Variants in KIFC3 observed in about 807,000 individuals in gnomAD.
KIFC3 encodes the protein kinesin-like protein KIFC3.
A neutral mutation model predicts 101.8 loss-of-function variants in KIFC3; 60 were observed. The observed-to-expected ratio is 0.59, with a 90% CI of 0.48 to 0.73. KIFC3 has a LOEUF of 0.73. Among genes scored for constraint, KIFC3 ranks in the 30% least tolerant of loss-of-function variants. The pLI, the probability that KIFC3 is intolerant of heterozygous loss-of-function variation, is 0.00. For synonymous variants in KIFC3, 476 were observed against 482.7 expected, an observed-to-expected ratio of 0.99 and a Z score of 0.18; for missense variants, 966 against 1,137.1, an observed-to-expected ratio of 0.85 and a Z score of 2.16.
At chr16:57,844,513 C>T (rs1596859424) in intron 1 of KIFC3, among the ~76,000 whole-genome samples, 1 of 151,542 alleles carries the variant, frequency 6.6e-6, no homozygotes, top group Non-Finnish European at 1.5e-5. Flanking sequence ...GCCATAGCCT[C>T]GTGTCTCTGA....
chr16:57,792,703 T>C (rs2053971319), intron 3 of KIFC3, among the ~76,000 whole-genome samples: 2 of 151,746 alleles, frequency 1.3e-5, no homozygotes, highest in Admixed American at 1.3e-4. Context: ...GGCAACATGA[T>C]GAAACCTCCG....
chr16:57,809,015 G>T (rs1350668850), intron 1 of KIFC3, among the ~76,000 whole-genome samples: 1 of 152,158 alleles, frequency 6.6e-6, no homozygotes, highest in Non-Finnish European at 1.5e-5. Flanking sequence ...GTAAGTGCTG[G>T]GTGTGGTGGC....
chr16:57,792,211 C>A (rs2053935242), intron 3 of KIFC3, among the ~76,000 whole-genome samples: 1 of 152,158 alleles, frequency 6.6e-6, no homozygotes, highest in Non-Finnish European at 1.5e-5. Context: ...CGTGCACCGG[C>A]TTTCTTGGGG....
chr16:57,828,315 C>G (rs571219833), intron 1 of KIFC3, among the ~76,000 whole-genome samples: 1 of 152,358 alleles, frequency 6.6e-6, no homozygotes, highest in African/African-American at 2.4e-5. Context: ...AGGCCACCTG[C>G]CCGGTAAGGC....
At chr16:57,815,587 G>A in intron 1 of KIFC3, 1 of 1,289,950 alleles carries the variant, frequency 7.8e-7, no homozygotes. Context: ...CACCAGGGAG[G>A]CTGGGGGTGC....
At chr16:57,767,866 G>C (rs1287878122) in intron 9 of KIFC3, among the ~76,000 whole-genome samples, 1 of 152,002 alleles carries the variant, frequency 6.6e-6, no homozygotes, top group Non-Finnish European at 1.5e-5. Context: ...TGTAGAGATG[G>C]GGTCCCACTA....
intron 3 of KIFC3, chr16:57,773,999 G>C (rs782452622): frequency 6.6e-6 from 1 of 152,318 alleles, no homozygotes; most frequent in African/African-American, 2.4e-5. Context: ...ATTCCAAGAT[G>C]CAAGACCCAG....
In KIFC3 at chr16:57,774,806, T is replaced by C. The variant is rs1206551397; in HGVS notation, c.316-2518A>G. On this transcript the variant is annotated intron_variant, in intron 3 of 19. Transcript: ENST00000445690. ...CCTCCCAAAGTGCTGGGATTACCGT[T>C]GTGAGCCCCTGCGCCCGGCCAGTAA... 2.6e-6 allele frequency: 3 copies of C among 1,143,196 alleles called. No homozygotes were observed. The East Asian group carries it at 9.1e-5, about 35-fold the overall frequency. The allele number at this position is 1,143,196 out of a possible 1,614,324, so 70.8% of individuals were successfully genotyped here.
intron 10 of KIFC3, among the ~76,000 whole-genome samples, chr16:57,766,335 C>T (rs547624621): frequency 6.6e-6 from 1 of 152,340 alleles, no homozygotes; most frequent in Non-Finnish European, 1.5e-5. Context: ...ACTTGCCTGT[C>T]CCATACCCAG....
At chr16:57,824,686 GAAAAAC>G (rs1280693673) in intron 1 of KIFC3, among the ~76,000 whole-genome samples, 5 of 152,038 alleles carry the variant, frequency 3.3e-5, no homozygotes, top group Non-Finnish European at 7.4e-5. Flanking sequence ...CTGTCTCAAA[GAAAAAC>G]AAAAACAAAA....
At chr16:57,770,062 GCACACA>G in intron 7 of KIFC3, 107 bp from the exon 8 acceptor site, 1 of 1,344,214 alleles carries the variant, frequency 7.4e-7, no homozygotes, top group Non-Finnish European at 1.0e-6. Context: ...GAACACACAT[GCACACA>G]CACATGTGCA....
At chr16:57,816,569 G>A (rs1300875573) in intron 1 of KIFC3, 2 of 456,610 alleles carry the variant, frequency 4.4e-6, no homozygotes, top group Non-Finnish European at 8.8e-6. Context: ...TGCTCTGAGT[G>A]GCGGAGGAAT....
intron 1 of KIFC3, among the ~76,000 whole-genome samples, chr16:57,850,186 G>T (rs1376206304): frequency 2.0e-5 from 3 of 151,864 alleles, no homozygotes; most frequent in Non-Finnish European, 4.4e-5. Context: ...AATTGCTTGA[G>T]CCCAGAAGTT....
intron 1 of KIFC3, chr16:57,846,681 G>T (rs564393215): frequency 3.9e-5 from 6 of 152,346 alleles, no homozygotes; most frequent in African/African-American, 1.4e-4. Context: ...CCTGCAGCTG[G>T]TTCAAGGCTG....
chr16:57,861,399 C>T (rs1959262882), intron 1 of KIFC3, among the ~76,000 whole-genome samples: 1 of 152,190 alleles, frequency 6.6e-6, no homozygotes. Context: ...CTGGTTAGGA[C>T]ATCTCTGACA....
At chr16:57,820,198 C>T (rs782437693) in intron 1 of KIFC3, among the ~76,000 whole-genome samples, 4 of 152,232 alleles carry the variant, frequency 2.6e-5, no homozygotes, top group African/African-American at 4.8e-5. Context: ...CCTTTGCACT[C>T]GCTGTTTCCT....
chr16:57,842,274 C>A (rs751756875), intron 1 of KIFC3, among the ~76,000 whole-genome samples: 4 of 152,332 alleles, frequency 2.6e-5, no homozygotes, highest in Non-Finnish European at 2.9e-5. Context: ...CTGCCTCCCC[C>A]ACCTGGAATG....
chr16:57,790,137 T>C (rs1555619768), intron 3 of KIFC3, among the ~76,000 whole-genome samples: 1 of 142,680 alleles, frequency 7.0e-6, no homozygotes, highest in Non-Finnish European at 1.5e-5. Flanking sequence ...TGGAGGGCAA[T>C]AGCACAATAG....
Position 57,761,500 on chromosome 16 carries a change from C to T in KIFC3, c.1785G>A (p.Glu595=). The T allele has an allele frequency of 6.2e-7, 1 of 1,613,750 alleles. No homozygotes were observed. The highest frequency in any genetic ancestry group is 1.1e-5 in the South Asian group (1 of 91,068). Residue 595 remains glutamate (E), a synonymous_variant, in exon 14 of 20, where the codon GAG becomes GAA. Transcript: ENST00000445690. The part of the protein sequence containing the change: ...LLGKEPQEKL[E]IRLCPDGSGQ... ...CACTGCCGTCTGGGCACAGCCGGAT[C>T]TCCAGTTTTTCCTGAGGCTCTTTCC...
Sources: allele counts gnomAD v4.1 joint callset (sites outside exome capture counted in the v4.1 genomes callset), GRCh38; gene constraint gnomAD v4.1.1; transcripts MANE v1.5; gene names NCBI Gene and HGNC (gene_info 2026-07-23, HGNC 2026-07-21).